ATF7IP2: variants seen among roughly 807,000 people sequenced by gnomAD.
ATF7IP2 encodes activating transcription factor 7-interacting protein 2.
ATF7IP2 carries 42 observed loss-of-function variants against 64.2 expected under a neutral mutation model. The ratio of observed to expected loss-of-function variants is 0.65; its 90% CI spans 0.51 to 0.85. The LOEUF (loss-of-function observed/expected upper bound fraction) is 0.85. Ranked by LOEUF, ATF7IP2 falls within the 40% of genes least tolerant of loss-of-function variation. The pLI is 0.00. For synonymous variants in ATF7IP2, 308 were observed against 272.8 expected (o/e 1.13, Z -1.27); for missense variants, 933 against 784.2 (o/e 1.19, Z -2.27).
In ATF7IP2 at chr16:10,431,258, G is replaced by T; in HGVS notation, c.638G>T (p.Arg213Met). 1.2e-6 allele frequency: 2 copies of T among 1,614,106 alleles called. No homozygotes were observed. Among genetic ancestry groups the T allele is most frequent in the Non-Finnish European group, 1.7e-6 (2 of 1,180,006 alleles). Residue 213 changes from arginine to methionine, a missense_variant, in exon 5 of 14, where the codon AGG becomes ATG. By Grantham distance (91) the Arg-to-Met change is moderately conservative. Coordinates refer to ENST00000562102, the MANE Select transcript of ATF7IP2 (RefSeq NM_001393719.1). Reference sequence around the variant, plus strand: ...TCCAATTCAGAATCACATGATAAAAGGCAAAGTGACAACATTTTATGTTCA... The same window carrying T: ...TCCAATTCAGAATCACATGATAAAATGCAAAGTGACAACATTTTATGTTCA... Reference protein sequence around the residue: ...TNSNSESHDKRQSDNILCSED... With the variant: ...TNSNSESHDKMQSDNILCSED...
At chr16:10,464,181 G>A (rs528917988) in intron 9 of ATF7IP2, among the ~76,000 whole-genome samples, 1 of 152,236 alleles carries the variant, frequency 6.6e-6, no homozygotes, top group African/African-American at 2.4e-5. Context: ...TTTTCAAATT[G>A]CTCAAGTGTG....
chr16:10,443,354 G>C (rs1156749515), intron 8 of ATF7IP2, among the ~76,000 whole-genome samples: 1 of 152,156 alleles, frequency 6.6e-6, no homozygotes, highest in Non-Finnish European at 1.5e-5. Flanking sequence ...TCAGGCAATA[G>C]CAGAGAGAGA....
intron 6 of ATF7IP2, among the ~76,000 whole-genome samples, chr16:10,436,934 A>G (rs562602460): frequency 6.6e-6 from 1 of 152,038 alleles, no homozygotes; most frequent in African/African-American, 2.4e-5. Flanking sequence ...TTAATTTTTC[A>G]TATTACAGCT....
intron 1 of ATF7IP2, among the ~76,000 whole-genome samples, chr16:10,396,605 G>C (rs79730807): frequency 6.6e-6 from 1 of 151,672 alleles, no homozygotes; most frequent in Non-Finnish European, 1.5e-5. Context: ...TCACTGCAGC[G>C]TCTGCCTCCT....
intron 3 of ATF7IP2, among the ~76,000 whole-genome samples, chr16:10,420,834 T>C (rs2047976023): frequency 6.6e-6 from 1 of 152,234 alleles, no homozygotes; most frequent in South Asian, 2.1e-4. Flanking sequence ...GCTCTGCTTT[T>C]TGAGCTGAAG....
At chr16:10,412,000 A>AT (rs1567435049) in intron 1 of ATF7IP2, among the ~76,000 whole-genome samples, 1 of 16,806 alleles carries the variant, frequency 6.0e-5, no homozygotes, top group Non-Finnish European at 1.4e-4. Flanking sequence ...TGTTTCATTT[A>AT]TCTTTTTTTG....
In ATF7IP2 at chr16:10,430,798, A is replaced by C; in HGVS notation, c.178A>C (p.Arg60=). 1 of 1,558,610 alleles carries C rather than the reference A, an allele frequency of 6.4e-7. No homozygotes were observed. The highest frequency in any genetic ancestry group is 8.7e-7 in the Non-Finnish European group (1 of 1,154,652). Residue 60 remains arginine, a synonymous_variant, in exon 5 of 14, where the codon AGG becomes CGG. Coordinates refer to ENST00000562102, the MANE Select transcript of ATF7IP2 (RefSeq NM_001393719.1). The stretch of plus-strand genomic sequence containing the variant: ...GAGTTTCAGTCCTAGTGTCATAACT[A>C]GGACGACTGAAATAACCAAATGTAG... ...NQSFSPSVIT[R]TTEITKCSPS...
intron 1 of ATF7IP2, among the ~76,000 whole-genome samples, chr16:10,412,414 T>G (rs916073766): frequency 6.6e-6 from 1 of 152,204 alleles, no homozygotes; most frequent in Non-Finnish European, 1.5e-5. Context: ...TTAATTTCCA[T>G]CTTGATTTCA....
At chr16:10,397,573 G>A (rs2047443587) in intron 1 of ATF7IP2, among the ~76,000 whole-genome samples, 1 of 152,160 alleles carries the variant, frequency 6.6e-6, no homozygotes. Flanking sequence ...GCCACAGAGA[G>A]ACCGTGCCTC....
intron 12 of ATF7IP2, among the ~76,000 whole-genome samples, chr16:10,475,520 TC>T (rs1263397006): frequency 1.3e-5 from 2 of 151,410 alleles, no homozygotes; most frequent in Non-Finnish European, 2.9e-5. Flanking sequence ...TGAAACCCCA[TC>T]TCTACTAAAA....
chr16:10,394,737 G>T (rs1282156248), intron 1 of ATF7IP2, among the ~76,000 whole-genome samples: 1 of 152,104 alleles, frequency 6.6e-6, no homozygotes, highest in African/African-American at 2.4e-5. Context: ...CAAATATGTT[G>T]AAATTAACAC....
Position 10,430,847 on chromosome 16 carries a change from C to T in ATF7IP2, c.227C>T (p.Ser76Leu), listed in dbSNP as rs746644405. Residue 76 changes from serine (S) to leucine (L), a missense_variant, in exon 5 of 14, where the codon TCA (serine) becomes TTA (leucine). Ser to Leu is a moderately radical substitution (Grantham distance 145). Coordinates refer to ENST00000562102, the MANE Select transcript of ATF7IP2 (RefSeq NM_001393719.1). The part of the protein sequence containing the change: ...KCSPSENGAS[S>L]LDSNKNSISE... ...AGCCCTTCTGAAAATGGTGCATCCT[C>T]ATTGGACTCTAATAAAAATTCAATA... 1.9e-6 allele frequency: 3 copies of T among 1,613,868 alleles called. No homozygotes were observed. Among genetic ancestry groups the T allele is most frequent in the South Asian group, 1.1e-5 (1 of 91,054 alleles).
intron 1 of ATF7IP2, among the ~76,000 whole-genome samples, chr16:10,394,212 G>A (rs1400053420): frequency 6.6e-6 from 1 of 152,138 alleles, no homozygotes; most frequent in Non-Finnish European, 1.5e-5. Context: ...GATACAACAT[G>A]CAAATAGCAA....
chr16:10,397,595 G>T (rs766188226), intron 1 of ATF7IP2, among the ~76,000 whole-genome samples: 3 of 152,102 alleles, frequency 2.0e-5, no homozygotes, highest in Non-Finnish European at 4.4e-5. Flanking sequence ...AAAGAAAATG[G>T]GCTGGGCGTG....
chr16:10,479,477 A>C (rs1365992241), intron 12 of ATF7IP2, among the ~76,000 whole-genome samples: 1 of 152,120 alleles, frequency 6.6e-6, no homozygotes, highest in Non-Finnish European at 1.5e-5. Context: ...CAGGAAGGGG[A>C]ACATCACACA....
At chr16:10,402,634 T>G (rs887077250) in intron 1 of ATF7IP2, among the ~76,000 whole-genome samples, 1 of 152,088 alleles carries the variant, frequency 6.6e-6, no homozygotes, top group African/African-American at 2.4e-5. Flanking sequence ...TGGCTAATTT[T>G]TATACTTTTT....
At chr16:10,392,804 C>T (rs998653635) in intron 1 of ATF7IP2, among the ~76,000 whole-genome samples, 1 of 150,098 alleles carries the variant, frequency 6.7e-6, no homozygotes, top group African/African-American at 2.5e-5. Context: ...GCCTGGGCAA[C>T]ATAGTGAGAC....
chr16:10,417,178 TACA>T (rs749739392), intron 2 of ATF7IP2, among the ~76,000 whole-genome samples: 2 of 152,122 alleles, frequency 1.3e-5, no homozygotes, highest in Admixed American at 1.3e-4. Flanking sequence ...AAAGAATTTA[TACA>T]ACAACTAGGT....
At position 10,482,346 on chromosome 16, in the gene ATF7IP2, T is replaced by C; in HGVS notation, c.*97T>C. Reference sequence around the variant, plus strand: ...TGCCATTGTAAAAGGCCAGCTCAGATTGTGAGCCCTTTCTATTGGGACAGT... The same window carrying C: ...TGCCATTGTAAAAGGCCAGCTCAGACTGTGAGCCCTTTCTATTGGGACAGT... On this transcript the variant is annotated 3_prime_UTR_variant, in exon 14 of 14. Transcript: ENST00000562102. The C allele has an allele frequency of 1.1e-6, 1 of 884,938 alleles. No homozygotes were observed. Among genetic ancestry groups the C allele is most frequent in the East Asian group, 2.6e-5 (1 of 39,162 alleles). 54.8% of individuals were successfully genotyped at this position (884,938 alleles called of 1,614,324 possible). A position where few individuals can be genotyped will look rare whatever the true frequency, so the allele number is the denominator to read the frequency against.
Sources: allele counts gnomAD v4.1 joint callset (sites outside exome capture counted in the v4.1 genomes callset), GRCh38; gene constraint gnomAD v4.1.1; transcripts MANE v1.5; gene names NCBI Gene and HGNC (gene_info 2026-07-23, HGNC 2026-07-21).